Variants in PARVA observed in about 807,000 individuals in gnomAD.
PARVA encodes the protein alpha-parvin.
Under a neutral mutation model 52.6 loss-of-function variants are expected in PARVA, and 25 were observed. The observed-to-expected ratio is 0.48, with a 90% CI of 0.35 to 0.66. The LOEUF is 0.66. Among genes scored for constraint, PARVA ranks in the 30% least tolerant of loss-of-function variants. The pLI, the probability that PARVA is intolerant of heterozygous loss-of-function variation, is 0.01. For synonymous variants in PARVA, 185 were observed against 179.1 expected (o/e 1.03, Z -0.26); for missense variants, 373 against 450.9 (o/e 0.83, Z 1.56).
intron 1 of PARVA, among the ~76,000 whole-genome samples, chr11:12,430,607 C>A (rs924118542): frequency 6.6e-6 from 1 of 152,072 alleles, no homozygotes; most frequent in African/African-American, 2.4e-5. Context: ...ATGGATCTTG[C>A]CTAAGCCTTA....
intron 4 of PARVA, among the ~76,000 whole-genome samples, chr11:12,487,744 A>ATAAATAATAGAGAAGCTCTC (rs1941178969): frequency 6.6e-6 from 1 of 152,242 alleles, no homozygotes. Context: ...ATTATTCTTT[A>ATAAATAATAGAGAAGCTCTC]TAAATAATAG....
At chr11:12,459,824 C>T (rs1244556947) in intron 1 of PARVA, among the ~76,000 whole-genome samples, 1 of 152,084 alleles carries the variant, frequency 6.6e-6, no homozygotes, top group Non-Finnish European at 1.5e-5. Flanking sequence ...ATTATTTTCT[C>T]TTTTTAAAAA....
At chr11:12,458,385 A>C (rs905782028) in intron 1 of PARVA, among the ~76,000 whole-genome samples, 5 of 152,248 alleles carry the variant, frequency 3.3e-5, no homozygotes, top group Admixed American at 2.0e-4. Context: ...TAGGGACAGG[A>C]CTGACATCCT....
Position 12,380,200 on chromosome 11 carries a change from T to G in PARVA, c.136+2417T>G, listed in dbSNP as rs184909985. Among the ~76,000 whole-genome samples, 7 of 140,144 alleles carry G rather than the reference T, an allele frequency of 5.0e-5. No homozygotes were observed. The East Asian group carries it at 1.2e-3, about 23-fold the overall frequency. 91.9% of individuals were successfully genotyped at this position (140,144 alleles called of 152,430 possible). A position where few individuals can be genotyped will look rare whatever the true frequency, so the allele number is the denominator to read the frequency against. ...TCCCTGCAGGAAAAAGAAGGCCAATTTAGTTGAGATTTTGAAAATAATTTA... is the reference window on the plus strand; with the variant it reads ...TCCCTGCAGGAAAAAGAAGGCCAATGTAGTTGAGATTTTGAAAATAATTTA... On this transcript the variant is annotated intron_variant, in intron 1 of 12. Transcript: ENST00000334956.
intron 1 of PARVA, among the ~76,000 whole-genome samples, chr11:12,378,035 C>G (rs1035453244): frequency 2.7e-5 from 4 of 149,524 alleles, no homozygotes; most frequent in African/African-American, 9.7e-5. Flanking sequence ...CCTCCTGGGC[C>G]GGGGACCAGG....
chr11:12,512,056 T>A (rs1941509792), intron 8 of PARVA, among the ~76,000 whole-genome samples: 1 of 152,220 alleles, frequency 6.6e-6, no homozygotes, highest in African/African-American at 2.4e-5. Flanking sequence ...TTTCTAGGTA[T>A]TAAATCATCT....
At chr11:12,428,928 G>C (rs553877274) in intron 1 of PARVA, among the ~76,000 whole-genome samples, 1 of 152,274 alleles carries the variant, frequency 6.6e-6, no homozygotes, top group South Asian at 2.1e-4. Flanking sequence ...TGTGTGGGTT[G>C]GTAAAAGCAT....
intron 12 of PARVA, among the ~76,000 whole-genome samples, chr11:12,527,051 C>G (rs1684017033): frequency 6.6e-6 from 1 of 152,236 alleles, no homozygotes; most frequent in Non-Finnish European, 1.5e-5. Context: ...ACTTGGAATT[C>G]AAGGCCTTTC....
In PARVA at chr11:12,514,078, C is replaced by T. The variant is rs372221573; in HGVS notation, c.867+13C>T. ...ACTGGAAACCCAGGTGGGTGACAGA[C>T]CCCAGCACAGGTAGAGGCAGGGCCC... On this transcript the variant is annotated intron_variant, in intron 10 of 12. Coordinates refer to ENST00000334956, the MANE Select transcript of PARVA (RefSeq NM_018222.5). 4.2e-4 allele frequency: 669 copies of T among 1,607,602 alleles called. 10 individuals are homozygous for T. The Middle Eastern group carries it at 7.4e-3, about 18-fold the overall frequency.
chr11:12,481,731 C>T (rs1008573036), intron 4 of PARVA, among the ~76,000 whole-genome samples: 1 of 152,056 alleles, frequency 6.6e-6, no homozygotes, highest in African/African-American at 2.4e-5. Context: ...GTTGAGCTTC[C>T]TTAATACTGA....
chr11:12,427,102 ATC>A (rs1339098041), intron 1 of PARVA, among the ~76,000 whole-genome samples: 4 of 152,248 alleles, frequency 2.6e-5, no homozygotes, highest in Non-Finnish European at 4.4e-5. Flanking sequence ...TGAAGTAAAA[ATC>A]AGGCTAATAA....
chr11:12,514,024 C>T lies in PARVA; in HGVS notation c.826C>T (p.Leu276=). The T allele has an allele frequency of 6.2e-7, 1 of 1,614,104 alleles. No homozygotes were observed. The highest frequency in any genetic ancestry group is 8.5e-7 in the Non-Finnish European group (1 of 1,179,958). The change falls in exon 10 of 13, where the codon CTG becomes TTG. Residue 276 remains leucine (L), a synonymous_variant. Transcript: ENST00000334956. ...ACTCATCACTTTCGTGAACAAGCAC[C>T]TGAATAAACTGAACCTGGAGGTCAC... ...KTLITFVNKH[L]NKLNLEVTEL...
chr11:12,442,865 TC>T (rs1174376713), intron 1 of PARVA, among the ~76,000 whole-genome samples: 1 of 73,950 alleles, frequency 1.4e-5, no homozygotes, highest in Non-Finnish European at 3.2e-5. Context: ...TGACTTGACT[TC>T]CTTTTTTTTT....
intron 1 of PARVA, among the ~76,000 whole-genome samples, chr11:12,440,817 G>A (rs1405477293): frequency 6.6e-6 from 1 of 152,164 alleles, no homozygotes; most frequent in Non-Finnish European, 1.5e-5. Context: ...CCTACAAAAC[G>A]AATCCCTCTC....
intron 1 of PARVA, among the ~76,000 whole-genome samples, chr11:12,425,849 G>A (rs931210517): frequency 1.3e-5 from 2 of 152,144 alleles, no homozygotes; most frequent in Non-Finnish European, 2.9e-5. Flanking sequence ...TTCTTACTTC[G>A]TTACCAGGCA....
upstream of PARVA, chr11:12,377,505 A>G: frequency 7.0e-7 from 1 of 1,427,052 alleles, no homozygotes; most frequent in Non-Finnish European, 9.3e-7. Flanking sequence ...AGGGAAGGGA[A>G]AGGCGAGCGT....
At chr11:12,471,944 G>T (rs370947422) in intron 1 of PARVA, among the ~76,000 whole-genome samples, 2 of 152,324 alleles carry the variant, frequency 1.3e-5, no homozygotes, top group South Asian at 2.1e-4. Context: ...CACTCCTTGC[G>T]TAGCAATGCT....
At chr11:12,501,090 G>C (rs533868669) in intron 5 of PARVA, among the ~76,000 whole-genome samples, 1 of 145,648 alleles carries the variant, frequency 6.9e-6, no homozygotes, top group South Asian at 2.2e-4. Context: ...CCTGGGCGAC[G>C]AGCAAAAATC....
intron 1 of PARVA, among the ~76,000 whole-genome samples, chr11:12,397,819 CT>C (rs569053771): frequency 0.096 from 13,099 of 136,024 alleles, 1,768 homozygotes; most frequent in African/African-American, 0.31. Context: ...GGGGGAAGGT[CT>C]TTTTTTTTTT....
Sources: gnomAD v4.1 joint callset for allele counts (sites outside exome capture counted in the v4.1 genomes callset) on GRCh38, gnomAD v4.1.1 for gene constraint, MANE v1.5 for transcripts, NCBI Gene and HGNC (gene_info 2026-07-23, HGNC 2026-07-21) for gene names.